Variants in TMPRSS13 observed in about 807,000 individuals in gnomAD.
The protein encoded by TMPRSS13 is transmembrane serine protease 13.
A neutral mutation model predicts 68.4 loss-of-function variants in TMPRSS13; 50 were observed. The observed-to-expected ratio is 0.73, with a 90% CI of 0.58 to 0.93. TMPRSS13 has a LOEUF of 0.93. TMPRSS13 is among the 40% of genes least tolerant of loss of function. TMPRSS13 has a pLI of 0.00. For missense variants in TMPRSS13, 615 were observed against 729.2 expected, an observed-to-expected ratio of 0.84 and a Z score of 1.80; for synonymous variants, 267 against 285.8, an observed-to-expected ratio of 0.93 and a Z score of 0.66.
chr11:117,920,802 G>C (rs2057637586), intron 1 of TMPRSS13, among the ~76,000 whole-genome samples: 1 of 152,160 alleles, frequency 6.6e-6, no homozygotes, highest in Non-Finnish European at 1.5e-5. Context: ...CCGATAGTGG[G>C]GTTTTGTTTG....
chr11:117,914,320 C>G lies in TMPRSS13; in HGVS notation c.679+72G>C. 9.4e-6 allele frequency: 15 copies of G among 1,590,802 alleles called. No homozygotes were observed. Among genetic ancestry groups the G allele is most frequent in the Non-Finnish European group, 1.3e-5 (15 of 1,169,394 alleles). On this transcript the variant is annotated intron_variant, in intron 4 of 12. Transcript: ENST00000524993. This position sits in a 1 kb window ranked among gnomAD's most constrained non-coding sequence, Gnocchi z 4.2. ...ACACACACAGGCATGCATACACACA[C>G]ACATATACAAACAGGCACACAAACA...
chr11:117,914,352 C>T lies in TMPRSS13; in HGVS notation c.679+40G>A. On this transcript the variant is annotated intron_variant, in intron 4 of 12. Coordinates refer to ENST00000524993, the MANE Select transcript of TMPRSS13 (RefSeq NM_001077263.3). This position sits in a 1 kb window ranked among gnomAD's most constrained non-coding sequence, Gnocchi z 4.2. ...ACAAACAGGCACACAAACACATGCA[C>T]ATGCACACGCACGCGCTCCCCCGCA... 6.2e-7 allele frequency: 1 copy of T among 1,609,280 alleles called. No homozygotes were observed. Among genetic ancestry groups the T allele is most frequent in the Non-Finnish European group, 8.5e-7 (1 of 1,179,366 alleles).
chr11:117,914,350 C>T lies in TMPRSS13; in HGVS notation c.679+42G>A. On this transcript the variant is annotated intron_variant, in intron 4 of 12. Coordinates refer to ENST00000524993, the MANE Select transcript of TMPRSS13 (RefSeq NM_001077263.3). This position sits in a 1 kb window ranked among gnomAD's most constrained non-coding sequence, Gnocchi z 4.2. Reference sequence around the variant, plus strand: ...ATACAAACAGGCACACAAACACATGCACATGCACACGCACGCGCTCCCCCG... The same window carrying T: ...ATACAAACAGGCACACAAACACATGTACATGCACACGCACGCGCTCCCCCG... 1.2e-6 allele frequency: 2 copies of T among 1,608,692 alleles called. No individual in the cohort carries two copies. Among genetic ancestry groups the T allele is most frequent in the South Asian group, 1.1e-5 (1 of 90,846 alleles).
rs576780406 is a variant in TMPRSS13 at position 117,922,159 on chromosome 11, C to G, written c.22-3321G>C. 6.6e-6 allele frequency among the ~76,000 whole-genome samples: 1 copy of G among 152,218 alleles called. No homozygotes were observed. Among genetic ancestry groups the G allele is most frequent in the South Asian group, 2.1e-4 (1 of 4,834 alleles). ...AACTGCTGAGACTCTAGCCTCCCAC[C>G]GCTGGCCTGATCTCACCCTCAGAGT... is the stretch of plus-strand genomic sequence containing the variant. On this transcript the variant is annotated intron_variant, in intron 1 of 12. Coordinates refer to ENST00000524993, the MANE Select transcript of TMPRSS13 (RefSeq NM_001077263.3). The surrounding 1 kb of genome is among the most constrained non-coding windows in gnomAD (Gnocchi z 4.2).
rs1180672301 is a variant in TMPRSS13 at position 117,915,841 on chromosome 11, C to T, written c.557-1327G>A. 6.6e-6 allele frequency among the ~76,000 whole-genome samples: 1 copy of T among 152,212 alleles called. No individual in the cohort carries two copies. The highest frequency in any genetic ancestry group is 2.4e-5 in the African/African-American group (1 of 41,454). On this transcript the variant is annotated intron_variant, in intron 3 of 12. Transcript: ENST00000524993. This position sits in a 1 kb window ranked among gnomAD's most constrained non-coding sequence, Gnocchi z 4.9. The stretch of plus-strand genomic sequence containing the variant: ...CCTGTGGCTTTCATGGAGCAGGGTG[C>T]CCTGTAGTGGGAAAGGGAGGGAGGG...
chr11:117,917,244 T>A lies in TMPRSS13; in HGVS notation c.482A>T (p.Glu161Val). 1 of 1,612,604 alleles carries A rather than the reference T, an allele frequency of 6.2e-7. No individual in the cohort carries two copies. The highest frequency in any genetic ancestry group is 8.5e-7 in the Non-Finnish European group (1 of 1,179,950). ...GATGAGCGGTAGCTGCTTCTGGCCC[T>A]CCCGCCAGGTGAACTTGGGCAGGCT... ...GTSLPKFTWR[E>V]GQKQLPLIGC... The change falls in exon 3 of 13, where the codon GAG (glutamate) becomes GTG (valine). Residue 161 changes from glutamate (E) to valine (V), a missense_variant. Glu to Val is a moderately radical substitution (Grantham distance 121, BLOSUM62 -2). Transcript: ENST00000524993.
At chr11:117,925,527 C>A (rs1431049583) in intron 1 of TMPRSS13, among the ~76,000 whole-genome samples, 3 of 152,228 alleles carry the variant, frequency 2.0e-5, no homozygotes, top group African/African-American at 7.2e-5. Flanking sequence ...TCTGTGCCTT[C>A]TCTTGCTGCC....
intron 11 of TMPRSS13, 75 bp downstream of exon 11, chr11:117,903,884 A>T (rs2134873438): frequency 6.3e-7 from 1 of 1,595,094 alleles, no homozygotes; most frequent in East Asian, 2.3e-5. Context: ...CCCAATTCCC[A>T]CATCAGCCCC....
At position 117,917,974 on chromosome 11, in the gene TMPRSS13, T is replaced by C. The variant is rs1345477090; in HGVS notation, c.451+435A>G. ...AAGGCTGGGGATGGACTTGCACACC[T>C]GGTCAGAATCTCTCCTTTTCCTCCC... is the stretch of plus-strand genomic sequence containing the variant. On this transcript the variant is annotated intron_variant, in intron 2 of 12. Coordinates refer to ENST00000524993, the MANE Select transcript of TMPRSS13 (RefSeq NM_001077263.3). Among the ~76,000 whole-genome samples the C allele has an allele frequency of 3.9e-5, 6 of 152,134 alleles. No homozygotes were observed. In the East Asian group the frequency reaches 1.2e-3, roughly 29 times the overall value.
At chr11:117,908,858 G>T in intron 8 of TMPRSS13, 74 bp from the exon 9 acceptor site, 1 of 1,434,560 alleles carries the variant, frequency 7.0e-7, no homozygotes, top group East Asian at 2.4e-5. Context: ...CTACCTACAG[G>T]GAGCCACAGT....
chr11:117,903,419 C>G, intron 12 of TMPRSS13: 1 of 1,536,172 alleles, frequency 6.5e-7, no homozygotes, highest in Non-Finnish European at 8.7e-7. Context: ...CCTGCCTGGC[C>G]TGTAGGTCCA....
At chr11:117,905,847 T>C (rs1202922419) in intron 9 of TMPRSS13, 111 bp from the exon 10 acceptor site, 1 of 731,616 alleles carries the variant, frequency 1.4e-6, no homozygotes, top group East Asian at 3.1e-5. Context: ...CCTAGAACAT[T>C]AATCCTTGAC....
intron 9 of TMPRSS13, chr11:117,907,668 C>T (rs2057477178): frequency 2.9e-6 from 1 of 342,238 alleles, no homozygotes; most frequent in South Asian, 1.2e-4. Flanking sequence ...CTTCTCCAAT[C>T]TTTTCGGGAC....
At chr11:117,904,767 TCA>T (rs1436539632) in intron 10 of TMPRSS13, among the ~76,000 whole-genome samples, 1 of 150,908 alleles carries the variant, frequency 6.6e-6, no homozygotes, top group East Asian at 1.9e-4. Context: ...AAAAACAAGG[TCA>T]CTGTGCAAAC....
intron 10 of TMPRSS13, among the ~76,000 whole-genome samples, chr11:117,904,691 C>T (rs919300795): frequency 3.3e-5 from 5 of 151,684 alleles, no homozygotes; most frequent in Non-Finnish European, 7.4e-5. Flanking sequence ...TCTCACAGGA[C>T]AAGGCACTCT....
At chr11:117,917,774 G>A (rs1344489763) in intron 2 of TMPRSS13, among the ~76,000 whole-genome samples, 2 of 152,162 alleles carry the variant, frequency 1.3e-5, no homozygotes, top group African/African-American at 2.4e-5. Flanking sequence ...CCAAAGCCAC[G>A]TATCATCCAG....
intron 12 of TMPRSS13, chr11:117,903,306 CAAAAACTATCACA>C: frequency 7.3e-7 from 1 of 1,372,738 alleles, no homozygotes; most frequent in Non-Finnish European, 9.9e-7. Flanking sequence ...TGCTTGATAA[CAAAAACTATCACA>C]AAATCCTCTG....
intron 9 of TMPRSS13, among the ~76,000 whole-genome samples, chr11:117,905,990 T>G (rs1441995802): frequency 6.6e-6 from 1 of 152,222 alleles, no homozygotes; most frequent in Non-Finnish European, 1.5e-5. Flanking sequence ...GTGGTTGCCC[T>G]GTGGTCAGAT....
intron 9 of TMPRSS13, among the ~76,000 whole-genome samples, chr11:117,906,900 A>G (rs1020534937): frequency 3.3e-5 from 5 of 152,206 alleles, no homozygotes; most frequent in African/African-American, 1.2e-4. Context: ...TAAGAAAATC[A>G]GTCCTGATTT....
Sources: gnomAD v4.1 joint callset for allele counts (sites outside exome capture counted in the v4.1 genomes callset) on GRCh38, gnomAD v4.1.1 for gene constraint, Gnocchi (gnomAD v3.1) non-coding constraint, MANE v1.5 for transcripts, NCBI Gene and HGNC (gene_info 2026-07-23, HGNC 2026-07-21) for gene names.